Variants in DEFB134 observed in about 807,000 individuals in gnomAD.
DEFB134 encodes beta-defensin 134.
Under a neutral mutation model 7.4 loss-of-function variants are expected in DEFB134, and 7 were observed. That is an observed-to-expected ratio of 0.95 (90% CI 0.54 to 1.79). The LOEUF (loss-of-function observed/expected upper bound fraction) is 1.79. DEFB134 is among the 40% of genes most tolerant of loss of function. The probability of loss-of-function intolerance (pLI) is 0.00; values close to 1 mark genes in which losing one functional copy is unlikely to be tolerated. For synonymous variants in DEFB134, 33 were observed against 25.0 expected (o/e 1.32, Z -0.96); for missense variants, 105 against 74.8 (o/e 1.40, Z -1.49).
upstream of DEFB134, among the ~76,000 whole-genome samples, chr8:12,000,026 C>A (rs368161201): frequency 1.1e-4 from 16 of 152,288 alleles, no homozygotes; most frequent in African/African-American, 3.9e-4. Context: ...TGTGGTTGTT[C>A]TGCAACTGCC....
chr8:11,994,870 G>GA (rs1239109825), intron 1 of DEFB134, among the ~76,000 whole-genome samples: 26 of 152,126 alleles, frequency 1.7e-4, no homozygotes, highest in African/African-American at 6.3e-4. Context: ...TCTGAGAGAG[G>GA]AAAAAACATG....
intron 1 of DEFB134, among the ~76,000 whole-genome samples, chr8:11,995,970 G>T (rs904306458): frequency 9.8e-5 from 12 of 122,876 alleles, no homozygotes; most frequent in African/African-American, 4.8e-4. Flanking sequence ...AAAAAAAAAA[G>T]GAAACTAAGG....
upstream of DEFB134, among the ~76,000 whole-genome samples, chr8:11,998,099 T>C (rs1428400776): frequency 6.6e-6 from 1 of 152,136 alleles, no homozygotes; most frequent in Non-Finnish European, 1.5e-5. Flanking sequence ...AATTAAACAA[T>C]ATGCTCCTTA....
upstream of DEFB134, among the ~76,000 whole-genome samples, chr8:11,999,808 C>T (rs6601649): frequency 0.56 from 84,907 of 152,034 alleles, 24,769 homozygotes; most frequent in East Asian, 0.9. Flanking sequence ...GGGAGATGTG[C>T]GCATCATTTG....
chr8:11,999,698 C>T (rs1050404640), upstream of DEFB134, among the ~76,000 whole-genome samples: 67 of 152,292 alleles, frequency 4.4e-4, no homozygotes, highest in African/African-American at 1.5e-3. Context: ...TGTCAGAGAT[C>T]GTCTCTTGTT....
At chr8:11,997,619 A>G (rs1002415714), upstream of DEFB134, among the ~76,000 whole-genome samples, 2 of 152,242 alleles carry the variant, frequency 1.3e-5, no homozygotes, top group Non-Finnish European at 2.9e-5. Context: ...CAAAAAGGAC[A>G]AAGAAAGGCA....
upstream of DEFB134, among the ~76,000 whole-genome samples, chr8:11,996,822 A>G (rs776676467): frequency 6.6e-6 from 1 of 152,226 alleles, no homozygotes; most frequent in Non-Finnish European, 1.5e-5. Context: ...CAGTGTCACT[A>G]TAAACTTCAT....
At chr8:11,999,574 G>A (rs184685512), upstream of DEFB134, 1 of 152,070 alleles carries the variant, frequency 6.6e-6, no homozygotes, top group Non-Finnish European at 1.5e-5. Context: ...TATTGATAAG[G>A]AGCTCGTTCA....
upstream of DEFB134, chr8:11,996,327 G>A: frequency 1.3e-6 from 2 of 1,539,956 alleles, no homozygotes; most frequent in Admixed American, 1.7e-5. Flanking sequence ...AAGAGGTTGA[G>A]CACACAGTCC....
At chr8:11,998,154 T>C (rs894004441), upstream of DEFB134, among the ~76,000 whole-genome samples, 2 of 151,992 alleles carry the variant, frequency 1.3e-5, no homozygotes, top group African/African-American at 2.4e-5. Flanking sequence ...AATCAAGAAA[T>C]TCTTTGAAAC....
intron 1 of DEFB134, among the ~76,000 whole-genome samples, chr8:11,995,469 T>C (rs1800093793): frequency 6.6e-6 from 1 of 152,000 alleles, no homozygotes; most frequent in African/African-American, 2.4e-5. Context: ...ATTTTCCAGA[T>C]GAGATTGCTA....
Position 11,994,597 on chromosome 8 carries a change from G to A in DEFB134, c.59-475C>T, listed in dbSNP as rs999369210. Among the ~76,000 whole-genome samples, 12 of 152,192 alleles carry A rather than the reference G, an allele frequency of 7.9e-5. No homozygotes were observed. The East Asian group carries it at 9.6e-4, about 12-fold the overall frequency. On this transcript the variant is annotated intron_variant, in intron 1 of 1. Coordinates refer to ENST00000526438, the Ensembl canonical transcript of DEFB134. ...CCACAGTGTGCGGAATTTTGTTATC[G>A]CAGCCCAAGCTGACTAAAACAAGTA...
At chr8:12,000,487 AC>A, upstream of DEFB134, among the ~76,000 whole-genome samples, 1 of 152,148 alleles carries the variant, frequency 6.6e-6, no homozygotes, top group East Asian at 1.9e-4. Context: ...ATGTTCCAAG[AC>A]CCCCAGTAGA....
chr8:11,993,980 T>C (rs779839224), exon 2 of DEFB134: 3 of 1,611,630 alleles, frequency 1.9e-6, no homozygotes, highest in Non-Finnish European at 2.5e-6. Flanking sequence ...GTTTCTTATG[T>C]CAGGGTGCAG....
exon 2 of DEFB134, chr8:11,993,892 G>A (rs1800043971): frequency 2.6e-6 from 4 of 1,530,922 alleles, no homozygotes; most frequent in Non-Finnish European, 3.5e-6. Context: ...ACATCATGGT[G>A]TCACAGTTTG....
chr8:11,994,193 A>G (rs1012010843), intron 1 of DEFB134, 71 bp from the exon 3 acceptor site: 5 of 1,504,730 alleles, frequency 3.3e-6, no homozygotes, highest in South Asian at 2.6e-5. Context: ...TAGTCCCTCA[A>G]TTTTTATCCA....
intron 1 of DEFB134, among the ~76,000 whole-genome samples, chr8:11,995,094 G>C (rs771261363): frequency 6.6e-6 from 1 of 152,156 alleles, no homozygotes; most frequent in South Asian, 2.1e-4. Context: ...CAAGACAGAA[G>C]CCCTAGAGGA....
chr8:11,997,278 C>T (rs576717033), upstream of DEFB134, among the ~76,000 whole-genome samples: 4 of 152,136 alleles, frequency 2.6e-5, no homozygotes, highest in African/African-American at 7.2e-5. Context: ...TGCTGAGCAC[C>T]ACTGCATGGC....
chr8:12,000,149 T>C (rs1800233326), upstream of DEFB134, among the ~76,000 whole-genome samples: 1 of 152,196 alleles, frequency 6.6e-6, no homozygotes, highest in African/African-American at 2.4e-5. Flanking sequence ...TAGCCAACAG[T>C]GGGAGATGCA....
Sources: allele counts gnomAD v4.1 joint callset (sites outside exome capture counted in the v4.1 genomes callset), GRCh38; gene constraint gnomAD v4.1.1; transcripts MANE v1.5; gene names NCBI Gene and HGNC (gene_info 2026-07-23, HGNC 2026-07-21).